Variants in WDFY4 observed in about 807,000 individuals in gnomAD.
WDFY4 encodes the protein WDFY family member 4, also known as WD repeat- and FYVE domain-containing protein 4.
Under a neutral mutation model 351.9 loss-of-function variants are expected in WDFY4, and 169 were observed. The observed-to-expected ratio is 0.48, with a 90% CI of 0.42 to 0.55. The LOEUF (loss-of-function observed/expected upper bound fraction) is 0.55. Among genes scored for constraint, WDFY4 ranks in the 20% least tolerant of loss-of-function variants. The pLI is 0.00. For missense variants in WDFY4, 3,803 were observed against 3,935.6 expected (o/e 0.97, Z 0.90); for synonymous variants, 1,622 against 1,574.6 (o/e 1.03, Z -0.71).
chr10:48,724,953 A>G (rs1383868414), intron 5 of WDFY4, among the ~76,000 whole-genome samples: 3 of 152,184 alleles, frequency 2.0e-5, no homozygotes, highest in African/African-American at 7.2e-5. Context: ...TATTTGTATG[A>G]GAGAAATCAG....
At chr10:48,789,815 G>A in intron 21 of WDFY4, 59 bp from the exon 22 acceptor site, 12 of 1,516,748 alleles carry the variant, frequency 7.9e-6, no homozygotes, top group Non-Finnish European at 1.1e-5. Flanking sequence ...AGGAGCTCGT[G>A]GACAATGCTT....
intron 39 of WDFY4, among the ~76,000 whole-genome samples, chr10:48,838,331 G>T (rs922675454): frequency 2.0e-5 from 3 of 152,156 alleles, no homozygotes; most frequent in African/African-American, 7.2e-5. Context: ...CAGAGGCAGG[G>T]CACTTATGTG....
intron 27 of WDFY4, among the ~76,000 whole-genome samples, chr10:48,806,409 T>C (rs1373131122): frequency 6.6e-6 from 1 of 152,198 alleles, no homozygotes; most frequent in African/African-American, 2.4e-5. Flanking sequence ...TACCCCTTAC[T>C]TTCCTGATGA....
intron 51 of WDFY4, among the ~76,000 whole-genome samples, chr10:48,954,338 T>G (rs1589985418): frequency 6.6e-6 from 1 of 152,376 alleles, no homozygotes; most frequent in Non-Finnish European, 1.5e-5. Context: ...ATTGTTCCTT[T>G]GTTGGCAATA....
intron 40 of WDFY4, among the ~76,000 whole-genome samples, chr10:48,872,221 A>G (rs148027649): frequency 2.2e-4 from 33 of 152,358 alleles, no homozygotes; most frequent in Middle Eastern, 3.4e-3. Flanking sequence ...CAAGGCCTAC[A>G]TCTATAAGTC....
At chr10:48,734,425 C>T (rs2064575081) in intron 10 of WDFY4, among the ~76,000 whole-genome samples, 1 of 151,918 alleles carries the variant, frequency 6.6e-6, no homozygotes, top group African/African-American at 2.4e-5. Context: ...ATTTGTTGTG[C>T]TCTCATCAGA....
chr10:48,859,607 G>A (rs1330301208), intron 39 of WDFY4, among the ~76,000 whole-genome samples: 1 of 152,120 alleles, frequency 6.6e-6, no homozygotes, highest in African/African-American at 2.4e-5. Flanking sequence ...GGGTGTTCTT[G>A]AATTCTGTTT....
At chr10:48,705,799 G>A (rs1290512215) in intron 1 of WDFY4, among the ~76,000 whole-genome samples, 1 of 152,188 alleles carries the variant, frequency 6.6e-6, no homozygotes, top group Non-Finnish European at 1.5e-5. Flanking sequence ...TCCTTTCTCT[G>A]GATCTCCAGC....
intron 2 of WDFY4, among the ~76,000 whole-genome samples, chr10:48,718,482 T>A (rs2063976826): frequency 6.6e-6 from 1 of 152,240 alleles, no homozygotes; most frequent in Admixed American, 6.5e-5. Context: ...AAGAACTCAT[T>A]CAGGTCTTTG....
At chr10:48,822,359 A>G in intron 34 of WDFY4, 21 bp from the exon 35 acceptor site, 1 of 1,521,742 alleles carries the variant, frequency 6.6e-7, no homozygotes, top group Non-Finnish European at 8.8e-7. Context: ...TCTCACCTCC[A>G]CCTGTCCCCT....
Position 48,957,164 on chromosome 10 carries a change from C to T in WDFY4, c.8013C>T (p.His2671=). ...TCGACGTGGCAGACAGAATGTTCCA[C>T]AGTGTGAAGAGCACGTGGGAGTCGG... ...GSFDVADRMF[H]SVKSTWESAS... Residue 2671 remains histidine (H), a synonymous_variant, in exon 52 of 62, where the codon CAC becomes CAT. Transcript: ENST00000325239. The T allele has an allele frequency of 6.4e-7, 1 of 1,551,560 alleles. No individual in the cohort carries two copies. Among genetic ancestry groups the T allele is most frequent in the Non-Finnish European group, 8.7e-7 (1 of 1,146,906 alleles).
intron 31 of WDFY4, 127 bp downstream of exon 31, chr10:48,814,209 G>T (rs1053103904): frequency 1.5e-6 from 2 of 1,305,626 alleles, no homozygotes; most frequent in Admixed American, 6.2e-5. Flanking sequence ...TCCTGTAGAA[G>T]AGGTGAGGTA....
At chr10:48,846,717 A>G (rs1334528670) in intron 39 of WDFY4, among the ~76,000 whole-genome samples, 1 of 152,214 alleles carries the variant, frequency 6.6e-6, no homozygotes, top group African/African-American at 2.4e-5. Context: ...CATATTGGCT[A>G]GTCACAGCGT....
chr10:48,933,342 C>T (rs1840148137), intron 47 of WDFY4, among the ~76,000 whole-genome samples: 2 of 152,162 alleles, frequency 1.3e-5, no homozygotes, highest in African/African-American at 4.8e-5. Context: ...GATGAAACAC[C>T]CAGGGCCTAG....
chr10:48,820,582 A>G lies in WDFY4; in HGVS notation c.5709+145A>G, dbSNP rs1484218782. 4 of 880,280 alleles carry G rather than the reference A, an allele frequency of 4.5e-6. No homozygotes were observed. In the African/African-American group the frequency reaches 6.8e-5, roughly 15 times the overall value. 54.5% of individuals were successfully genotyped at this position (880,280 alleles called of 1,614,324 possible). Reference sequence around the variant, plus strand: ...AATCTGTGAACCATGGGCCCCAAAAAAGCAACAGGTGATAGAGGAGTGAGC... The same window carrying G: ...AATCTGTGAACCATGGGCCCCAAAAGAGCAACAGGTGATAGAGGAGTGAGC... On this transcript the variant is annotated intron_variant, in intron 33 of 61. Transcript: ENST00000325239.
chr10:48,714,763 A>G (rs1271373620), intron 2 of WDFY4, among the ~76,000 whole-genome samples: 1 of 152,266 alleles, frequency 6.6e-6, no homozygotes, highest in African/African-American at 2.4e-5. Context: ...AATCCTCAGC[A>G]ATTAATGCAA....
intron 1 of WDFY4, among the ~76,000 whole-genome samples, chr10:48,697,906 G>A (rs1225457122): frequency 2.0e-5 from 3 of 152,158 alleles, no homozygotes; most frequent in African/African-American, 7.2e-5. Context: ...TGGCCTGTTT[G>A]CTGCATGTCT....
At chr10:48,917,108 A>C (rs906338626) in intron 47 of WDFY4, among the ~76,000 whole-genome samples, 1 of 152,158 alleles carries the variant, frequency 6.6e-6, no homozygotes, top group South Asian at 2.1e-4. Flanking sequence ...GAAGCAATAG[A>C]CTAGATCATG....
chr10:48,822,739 A>C (rs2067866530), intron 35 of WDFY4, among the ~76,000 whole-genome samples: 1 of 152,166 alleles, frequency 6.6e-6, no homozygotes, highest in African/African-American at 2.4e-5. Flanking sequence ...AGGCCCCCTG[A>C]GCCCAGTCCC....
Sources: allele counts gnomAD v4.1 joint callset (sites outside exome capture counted in the v4.1 genomes callset), GRCh38; gene constraint gnomAD v4.1.1; transcripts MANE v1.5; gene names NCBI Gene and HGNC (gene_info 2026-07-23, HGNC 2026-07-21).